The following ABCC10 variants were observed in gnomAD, a reference collection of about 807,000 sequenced individuals.
The protein encoded by ABCC10 is ATP binding cassette subfamily C member 10, also known as ATP-binding cassette sub-family C member 10.
In ABCC10, 110 loss-of-function variants were observed where a neutral mutation model predicts 143.2. That is an observed-to-expected ratio of 0.77 (90% CI 0.66 to 0.90). ABCC10 has a LOEUF of 0.90. Ranked by LOEUF, ABCC10 falls within the 40% of genes least tolerant of loss-of-function variation. The pLI is 0.00. For synonymous variants in ABCC10, 805 were observed against 846.7 expected (o/e 0.95, Z 0.85); for missense variants, 1,700 against 1,900.5 (o/e 0.89, Z 1.96).
chr6:43,443,667 G>C lies in ABCC10; in HGVS notation c.2417-266G>C. ...CAGGCATAGCTCTGGCGGTCCTCTT[G>C]GGGATGGACATTCGTCCCTCTCTGC... On this transcript the variant is annotated intron_variant, in intron 10 of 21. Transcript: ENST00000372530. This position sits in a 1 kb window ranked among gnomAD's most constrained non-coding sequence, Gnocchi z 4.2. The C allele has an allele frequency of 2.2e-6, 1 of 448,148 alleles. No individual in the cohort carries two copies. Among genetic ancestry groups the C allele is most frequent in the Non-Finnish European group, 4.1e-6 (1 of 245,326 alleles). 27.8% of individuals were successfully genotyped at this position (448,148 alleles called of 1,614,324 possible).
Position 43,449,004 on chromosome 6 carries a change from G to C in ABCC10, c.4083G>C (p.Leu1361=). Residue 1361 remains leucine, a synonymous_variant, in exon 19 of 22, where the codon CTG becomes CTC. Coordinates refer to ENST00000372530, the MANE Select transcript of ABCC10 (RefSeq NM_001198934.2). ...GGCAGGCCCTGAAGCAGTGCCACCT[G>C]AGTGAGGTGATTACATCCATGGGTG... is the stretch of plus-strand genomic sequence containing the variant. ...ALWQALKQCH[L]SEVITSMGGL... The C allele has an allele frequency of 6.2e-7, 1 of 1,614,112 alleles. No individual in the cohort carries two copies. The highest frequency in any genetic ancestry group is 8.5e-7 in the Non-Finnish European group (1 of 1,179,970).
downstream of ABCC10, chr6:43,451,929 C>T (rs948732437): frequency 1.9e-6 from 3 of 1,613,762 alleles, no homozygotes; most frequent in Non-Finnish European, 2.5e-6. This position sits in a 1 kb window ranked among gnomAD's most constrained non-coding sequence, Gnocchi z 4.4. Context: ...CCCTGAGGGC[C>T]CAGCACTCAC....
rs775669561 is a variant in ABCC10 at position 43,437,999 on chromosome 6, T to C, written c.1941T>C (p.Ala647=). 3.7e-6 allele frequency: 6 copies of C among 1,612,658 alleles called. No individual in the cohort carries two copies. The South Asian group carries it at 4.4e-5, about 12-fold the overall frequency. ...CGKSSLLAAI[A]GELHRLRGHV... Reference sequence around the variant, plus strand: ...AGAGCTCCCTGCTGGCTGCCATCGCTGGAGAGCTCCACAGGTAACCAACCT... The same window carrying C: ...AGAGCTCCCTGCTGGCTGCCATCGCCGGAGAGCTCCACAGGTAACCAACCT... Residue 647 remains alanine, a synonymous_variant, in exon 7 of 22, where the codon GCT becomes GCC. Transcript: ENST00000372530.
chr6:43,433,074 G>A lies in ABCC10; in HGVS notation c.1094G>A (p.Cys365Tyr), dbSNP rs1473213958. The change falls in exon 3 of 22, where the codon TGC becomes TAC. Residue 365 changes from cysteine to tyrosine, a missense_variant. Transcript: ENST00000372530. ...ARGAVLNILY[C>Y]KALQLGPSRP... The stretch of plus-strand genomic sequence containing the variant: ...GGGGCTGTGCTGAACATCCTGTACT[G>A]CAAGGCTTTACAGCTGGGGCCCAGC... 1 of 1,614,036 alleles carries A rather than the reference G, an allele frequency of 6.2e-7. No individual in the cohort carries two copies. The highest frequency in any genetic ancestry group is 8.5e-7 in the Non-Finnish European group (1 of 1,180,034).
In ABCC10 at chr6:43,444,841, G is replaced by T; in HGVS notation, c.2743G>T (p.Ala915Ser). The T allele has an allele frequency of 6.2e-7, 1 of 1,613,798 alleles. No homozygotes were observed. Among genetic ancestry groups the T allele is most frequent in the African/African-American group, 1.3e-5 (1 of 75,020 alleles). The change falls in exon 13 of 22, where the codon GCT becomes TCT. Residue 915 changes from alanine to serine, a missense_variant. Transcript: ENST00000372530. ...WLSHWISQLKAENSSQEAQPS... is the reference protein window; with the variant it reads ...WLSHWISQLKSENSSQEAQPS... The stretch of plus-strand genomic sequence containing the variant: ...CTCCCACTGGATCTCTCAGCTGAAG[G>T]CTGAGAATAGCTCCCAGGAGGCGCA...
downstream of ABCC10, chr6:43,451,323 TAGGGCAGCCC>T: frequency 6.3e-7 from 1 of 1,583,176 alleles, no homozygotes; most frequent in South Asian, 1.2e-5. This position sits in a 1 kb window ranked among gnomAD's most constrained non-coding sequence, Gnocchi z 4.4. Flanking sequence ...CCAACACCTG[TAGGGCAGCCC>T]AGGTCAGTAT....
chr6:43,431,443 C>T (rs1562166417), intron 2 of ABCC10, among the ~76,000 whole-genome samples: 1 of 152,188 alleles, frequency 6.6e-6, no homozygotes, highest in Non-Finnish European at 1.5e-5. Flanking sequence ...TCACTGCAAC[C>T]TCCATCTCCC....
chr6:43,446,209 T>C, intron 15 of ABCC10, 68 bp from the exon 16 acceptor site: 2 of 1,548,664 alleles, frequency 1.3e-6, no homozygotes, highest in Admixed American at 3.6e-5. Flanking sequence ...CCTTCCCTGT[T>C]GAGGCCCTGA....
chr6:43,432,897 T>A lies in ABCC10; in HGVS notation c.917T>A (p.Leu306His), dbSNP rs758767831. The change falls in exon 3 of 22, where the codon CTC becomes CAC. Residue 306 changes from leucine to histidine, a missense_variant. Leu to His is a moderately conservative substitution (Grantham distance 99). Transcript: ENST00000372530. Reference sequence around the variant, plus strand: ...TTGGGATTCTCAGGGCCCCTGTTGCTCTCCCTACTGGTGGGCTTCCTGGAA... The same window carrying A: ...TTGGGATTCTCAGGGCCCCTGTTGCACTCCCTACTGGTGGGCTTCCTGGAA... ...TMLGFSGPLL[L>H]SLLVGFLEEG... 5.6e-6 allele frequency: 9 copies of A among 1,613,980 alleles called. No individual in the cohort carries two copies. Among genetic ancestry groups the A allele is most frequent in the Non-Finnish European group, 5.9e-6 (7 of 1,180,028 alleles).
chr6:43,432,424 G>A lies in ABCC10; in HGVS notation c.444G>A (p.Val148=), dbSNP rs745621453. Reference sequence around the variant, plus strand: ...CCTTGCTGCCAGCTCCAGCCCTAGTGCTGACCGTGTTGTGGCATTGCCAGC... The same window carrying A: ...CCTTGCTGCCAGCTCCAGCCCTAGTACTGACCGTGTTGTGGCATTGCCAGC... The part of the protein sequence containing the change: ...LVALLPAPAL[V]LTVLWHCQRG... Residue 148 remains valine (V), a synonymous_variant, in exon 3 of 22, where the codon GTG becomes GTA. Coordinates refer to ENST00000372530, the MANE Select transcript of ABCC10 (RefSeq NM_001198934.2). 6.2e-7 allele frequency: 1 copy of A among 1,611,834 alleles called. No homozygotes were observed. Among genetic ancestry groups the A allele is most frequent in the Non-Finnish European group, 8.5e-7 (1 of 1,180,026 alleles).
In ABCC10 at chr6:43,443,190, G is replaced by T. The variant is rs759568974; in HGVS notation, c.2416+31G>T. ...GGGGGCAGGAGCCCCGTGTGAGGGAGGTGTCTGCCCAGGTCTGGCAGGGGA... is the reference window on the plus strand; with the variant it reads ...GGGGGCAGGAGCCCCGTGTGAGGGATGTGTCTGCCCAGGTCTGGCAGGGGA... On this transcript the variant is annotated intron_variant, in intron 10 of 21. Transcript: ENST00000372530. The surrounding 1 kb of genome is among the most constrained non-coding windows in gnomAD (Gnocchi z 4.2). 18 of 1,555,716 alleles carry T rather than the reference G, an allele frequency of 1.2e-5. No individual in the cohort carries two copies. Among genetic ancestry groups the T allele is most frequent in the Non-Finnish European group, 2.6e-6 (3 of 1,158,058 alleles).
At chr6:43,428,316 C>T (rs1036546348) in intron 2 of ABCC10, among the ~76,000 whole-genome samples, 177 bp downstream of exon 2, 1 of 152,314 alleles carries the variant, frequency 6.6e-6, no homozygotes, top group Middle Eastern at 3.4e-3. Flanking sequence ...AAGTACCTGC[C>T]TTCTCTGAGT....
At chr6:43,436,092 G>A in intron 5 of ABCC10, 46 bp from the exon 6 acceptor site, 2 of 1,613,730 alleles carry the variant, frequency 1.2e-6, no homozygotes, top group South Asian at 2.2e-5. Context: ...TCCCCAAACA[G>A]ATTGTGGTAG....
intron 18 of ABCC10, among the ~76,000 whole-genome samples, chr6:43,448,411 T>C (rs1783364515): frequency 6.6e-6 from 1 of 152,216 alleles, no homozygotes; most frequent in Non-Finnish European, 1.5e-5. Flanking sequence ...CCTAAAGCCC[T>C]AGGCCTGCCT....
chr6:43,432,578 G>C lies in ABCC10; in HGVS notation c.598G>C (p.Ala200Pro). 6.2e-7 allele frequency: 1 copy of C among 1,613,696 alleles called. No homozygotes were observed. The highest frequency in any genetic ancestry group is 8.5e-7 in the Non-Finnish European group (1 of 1,180,016). The change falls in exon 3 of 22, where the codon GCT becomes CCT. Residue 200 changes from alanine to proline, a missense_variant. Transcript: ENST00000372530. ...TCCTGGGGGACCACGAGAACCCTGG[G>C]CTCAGGAGCCCCTCCTGCCCGAGGA... ...AAPGGPREPWAQEPLLPEDQE... is the reference protein window; with the variant it reads ...AAPGGPREPWPQEPLLPEDQE...
chr6:43,435,040 C>T, intron 4 of ABCC10, 192 bp downstream of exon 4: 2 of 599,890 alleles, frequency 3.3e-6, no homozygotes, highest in Non-Finnish European at 5.9e-6. Flanking sequence ...TGAAGGAGTT[C>T]CTTTCTTTCC....
At position 43,432,994 on chromosome 6, in the gene ABCC10, T is replaced by C; in HGVS notation, c.1014T>C (p.Ala338=). ...LGLAGGAVLG[A]VLQNQYGYEV... ...TAGCCGGTGGGGCTGTGCTGGGTGC[T>C]GTGCTGCAGAATCAGTATGGGTATG... The change falls in exon 3 of 22, where the codon GCT becomes GCC. Residue 338 remains alanine, a synonymous_variant. Coordinates refer to ENST00000372530, the MANE Select transcript of ABCC10 (RefSeq NM_001198934.2). 1.2e-6 allele frequency: 2 copies of C among 1,614,090 alleles called. No homozygotes were observed. Among genetic ancestry groups the C allele is most frequent in the Non-Finnish European group, 1.7e-6 (2 of 1,180,002 alleles).
chr6:43,438,133 T>G lies in ABCC10; in HGVS notation c.1955+120T>G. The stretch of plus-strand genomic sequence containing the variant: ...ACTAAGAAGAGCAACGCATGGTCCC[T>G]TTATTGGGAGAGTTTTCAATCTGGA... On this transcript the variant is annotated intron_variant, in intron 7 of 21. Coordinates refer to ENST00000372530, the MANE Select transcript of ABCC10 (RefSeq NM_001198934.2). The G allele has an allele frequency of 2.6e-6, 3 of 1,153,676 alleles. No individual in the cohort carries two copies. The South Asian group carries it at 4.2e-5, about 16-fold the overall frequency. The allele number at this position is 1,153,676 out of a possible 1,614,324, so 71.5% of individuals were successfully genotyped here.
rs202027406 is a variant in ABCC10 at position 43,445,586 on chromosome 6, G to A, written c.3031-13G>A. 150 of 1,604,436 alleles carry A rather than the reference G, an allele frequency of 9.3e-5. No individual in the cohort carries two copies. Among genetic ancestry groups the A allele is most frequent in the Middle Eastern group, 1.7e-4 (1 of 6,018 alleles). ...CAGACTCTGCCCTGGCCCAATCAGC[G>A]TCCTTCTCCCAGGCACCAGTGACTT... On this transcript the variant is annotated splice_polypyrimidine_tract_variant and intron_variant, in intron 14 of 21. Transcript: ENST00000372530.
Sources: allele counts gnomAD v4.1 joint callset (sites outside exome capture counted in the v4.1 genomes callset), GRCh38; gene constraint gnomAD v4.1.1; non-coding constraint Gnocchi (gnomAD v3.1); transcripts MANE v1.5; gene names NCBI Gene and HGNC (gene_info 2026-07-23, HGNC 2026-07-21).